Variants in ANTXR2 observed in about 807,000 individuals in gnomAD.
ANTXR2 encodes the protein ANTXR cell adhesion molecule 2, also known as anthrax toxin receptor 2.
ANTXR2 carries 44 observed loss-of-function variants against 73.7 expected under a neutral mutation model. The ratio of observed to expected loss-of-function variants is 0.60; its 90% CI spans 0.47 to 0.77. The LOEUF is 0.77. Among genes scored for constraint, ANTXR2 ranks in the 30% least tolerant of loss-of-function variants. ANTXR2 has a pLI of 0.00. For synonymous variants in ANTXR2, 217 were observed against 205.9 expected, an observed-to-expected ratio of 1.05 and a Z score of -0.46; for missense variants, 604 against 592.5, an observed-to-expected ratio of 1.02 and a Z score of -0.20.
intron 11 of ANTXR2, 59 bp from the exon 12 acceptor site, chr4:80,008,675 A>G: frequency 1.9e-6 from 2 of 1,058,462 alleles, no homozygotes; most frequent in Non-Finnish European, 2.7e-6. Context: ...CAAATTCCAA[A>G]TGTATATATA....
At position 79,919,237 on chromosome 4, in the gene ANTXR2, T is replaced by A. The variant is rs1727470751; in HGVS notation, c.1429-11770A>T. ...AAATATTTCAAGTGACTTAACGCAG[T>A]ATTTTGCCTGTATAGCAACATTAGA... On this transcript the variant is annotated intron_variant, in intron 16 of 16. Coordinates refer to ENST00000403729, the MANE Select transcript of ANTXR2 (RefSeq NM_058172.6). Among the ~76,000 whole-genome samples, 3 of 152,286 alleles carry A rather than the reference T, an allele frequency of 2.0e-5. No individual in the cohort carries two copies. In the South Asian group the frequency reaches 6.2e-4, roughly 32 times the overall value.
chr4:79,911,766 G>A (rs1312520467), intron 16 of ANTXR2, among the ~76,000 whole-genome samples: 2 of 151,782 alleles, frequency 1.3e-5, no homozygotes, highest in African/African-American at 4.8e-5. Flanking sequence ...TTTATTTTCT[G>A]AAAATTTAAT....
At position 79,915,036 on chromosome 4, in the gene ANTXR2, A is replaced by C. The variant is rs558184612; in HGVS notation, c.1429-7569T>G. Among the ~76,000 whole-genome samples the C allele has an allele frequency of 1.2e-3, 183 of 152,222 alleles. 1 individual carries two copies. The highest frequency in any genetic ancestry group is 4.1e-3 in the African/African-American group (170 of 41,536). ...TCGGAATCTTTAACTTCACTCAAAT[A>C]ATTTTCAGGCAATGATTAGTATATC... On this transcript the variant is annotated intron_variant, in intron 16 of 16. Transcript: ENST00000403729.
At chr4:79,936,543 A>C (rs1226255223) in intron 16 of ANTXR2, among the ~76,000 whole-genome samples, 1 of 152,162 alleles carries the variant, frequency 6.6e-6, no homozygotes, top group Non-Finnish European at 1.5e-5. Context: ...AAGGTAATTT[A>C]TGTCCTCATA....
intron 16 of ANTXR2, among the ~76,000 whole-genome samples, chr4:79,923,472 G>C (rs1054846145): frequency 3.3e-5 from 5 of 152,040 alleles, no homozygotes; most frequent in Non-Finnish European, 7.4e-5. Context: ...CAGGATGCAA[G>C]TGTTCTAAAC....
rs552108361 is a variant in ANTXR2, at chr4:79,911,046, T to C, written c.1429-3579A>G. Reference sequence around the variant, plus strand: ...ATCAGATAGCATCGTCCTTCAACTATACCTAATACTAGCTTACAAAACACA... The same window carrying C: ...ATCAGATAGCATCGTCCTTCAACTACACCTAATACTAGCTTACAAAACACA... On this transcript the variant is annotated intron_variant, in intron 16 of 16. Transcript: ENST00000403729. Among the ~76,000 whole-genome samples the C allele has an allele frequency of 1.3e-5, 2 of 152,330 alleles. 1 individual carries two copies. Among genetic ancestry groups the C allele is most frequent in the South Asian group, 4.1e-4 (2 of 4,832 alleles).
chr4:80,036,487 G>A (rs1367238445), intron 7 of ANTXR2, among the ~76,000 whole-genome samples: 1 of 151,990 alleles, frequency 6.6e-6, no homozygotes, highest in Non-Finnish European at 1.5e-5. Context: ...GGGTGCGGTG[G>A]TTCAAAATAA....
chr4:80,010,704 T>C (rs1381401466), intron 11 of ANTXR2, among the ~76,000 whole-genome samples: 1 of 152,198 alleles, frequency 6.6e-6, no homozygotes, highest in East Asian at 1.9e-4. Context: ...GTAGATGGGC[T>C]AGCCCTGCTA....
In ANTXR2 at chr4:79,905,861, T is replaced by G. The variant is rs567911621; in HGVS notation, c.*1568A>C. On this transcript the variant is annotated 3_prime_UTR_variant, in exon 17 of 17. Transcript: ENST00000403729. ...TGTGCACTCACATGCCCGCCAAACA[T>G]GAAATGTTCGCCTTCTCCCTTCCAA... 1 of 152,566 alleles carries G rather than the reference T, an allele frequency of 6.6e-6. No individual in the cohort carries two copies. Among genetic ancestry groups the G allele is most frequent in the East Asian group, 1.9e-4 (1 of 5,166 alleles). The allele number at this position is 152,566 out of a possible 1,614,324, so 9.5% of individuals were successfully genotyped here. A position where few individuals can be genotyped will look rare whatever the true frequency, so the allele number is the denominator to read the frequency against.
Position 80,055,990 on chromosome 4 carries a change from T to C in ANTXR2, c.320A>G (p.Glu107Gly). The C allele has an allele frequency of 6.4e-7, 1 of 1,565,764 alleles. No individual in the cohort carries two copies. Among genetic ancestry groups the C allele is most frequent in the Non-Finnish European group, 8.6e-7 (1 of 1,156,276 alleles). The change falls in exon 4 of 17, where the codon GAG becomes GGG. Residue 107 changes from glutamate to glycine, a missense_variant. Glu to Gly is a moderately conservative substitution (Grantham distance 98). Transcript: ENST00000403729. Reference protein sequence around the residue: ...GDRGKISKGLEDLKRVSPVGE... With the variant: ...GDRGKISKGLGDLKRVSPVGE... ...TACTGGACTAACACGTTTTAAATCC[T>C]CCAAGCCTTTACTGATTTTGCCTCT...
At chr4:79,920,390 A>G (rs921623277) in intron 16 of ANTXR2, among the ~76,000 whole-genome samples, 1 of 152,128 alleles carries the variant, frequency 6.6e-6, no homozygotes, top group African/African-American at 2.4e-5. Context: ...CAATCTTGGT[A>G]TCATTAAACA....
At chr4:80,072,321 C>A in intron 1 of ANTXR2, 88 bp downstream of exon 1, 1 of 1,400,888 alleles carries the variant, frequency 7.1e-7, no homozygotes, top group East Asian at 2.8e-5. Flanking sequence ...CACCACTCCC[C>A]GGGGTGCGCA....
Position 79,905,224 on chromosome 4 carries a change from A to G in ANTXR2, c.*2205T>C, listed in dbSNP as rs1726857265. 5 of 152,198 alleles carry G rather than the reference A, an allele frequency of 3.3e-5. No homozygotes were observed. The allele number at this position is 152,198 out of a possible 1,614,324, so 9.4% of individuals were successfully genotyped here. A position where few individuals can be genotyped will look rare whatever the true frequency, so the allele number is the denominator to read the frequency against. ...GAAATTTGAAGTAGTTACCAAAGAAACATAGCCTTAGCTTCTGTAGTATTC... is the reference window on the plus strand; with the variant it reads ...GAAATTTGAAGTAGTTACCAAAGAAGCATAGCCTTAGCTTCTGTAGTATTC... On this transcript the variant is annotated 3_prime_UTR_variant, in exon 17 of 17. Coordinates refer to ENST00000403729, the MANE Select transcript of ANTXR2 (RefSeq NM_058172.6).
chr4:80,050,051 C>T (rs1006349441), intron 7 of ANTXR2, among the ~76,000 whole-genome samples: 1 of 151,636 alleles, frequency 6.6e-6, no homozygotes, highest in Admixed American at 6.6e-5. Context: ...ATCCCAGTGC[C>T]AAGAATAATC....
At chr4:79,959,412 T>C (rs1185871002) in intron 16 of ANTXR2, among the ~76,000 whole-genome samples, 1 of 152,128 alleles carries the variant, frequency 6.6e-6, no homozygotes, top group African/African-American at 2.4e-5. Context: ...ACCTCTCTTA[T>C]GAATCACTAG....
chr4:79,951,106 CA>C (rs1461795560), intron 16 of ANTXR2, among the ~76,000 whole-genome samples: 3 of 151,982 alleles, frequency 2.0e-5, no homozygotes, highest in Non-Finnish European at 2.9e-5. Context: ...ATAAAACAAA[CA>C]AAAAACCCAA....
chr4:79,979,254 G>A (rs1297762868), intron 14 of ANTXR2, among the ~76,000 whole-genome samples: 1 of 152,102 alleles, frequency 6.6e-6, no homozygotes, highest in African/African-American at 2.4e-5. Context: ...CTGGAGAAGA[G>A]CTTGTCCAAC....
chr4:80,011,846 G>T (rs543522761), intron 11 of ANTXR2, among the ~76,000 whole-genome samples: 40 of 152,340 alleles, frequency 2.6e-4, no homozygotes, highest in African/African-American at 9.4e-4. Context: ...TTTGTATCCA[G>T]TTAACCGAGC....
At chr4:79,976,288 G>T (rs1300625801) in intron 16 of ANTXR2, among the ~76,000 whole-genome samples, 1 of 152,212 alleles carries the variant, frequency 6.6e-6, no homozygotes, top group Non-Finnish European at 1.5e-5. Flanking sequence ...ACAGAGGAAT[G>T]ATCATGTTGA....
Sources: gnomAD v4.1 joint callset for allele counts (sites outside exome capture counted in the v4.1 genomes callset) on GRCh38, gnomAD v4.1.1 for gene constraint, MANE v1.5 for transcripts, NCBI Gene and HGNC (gene_info 2026-07-23, HGNC 2026-07-21) for gene names.